The following RNF19B variants were observed in gnomAD, a reference collection of about 807,000 sequenced individuals.
RNF19B encodes E3 ubiquitin-protein ligase RNF19B.
A neutral mutation model predicts 65.5 loss-of-function variants in RNF19B; 23 were observed. The observed-to-expected ratio is 0.35, with a 90% CI of 0.25 to 0.50. The LOEUF (loss-of-function observed/expected upper bound fraction) is 0.50. Ranked by LOEUF, RNF19B falls within the 20% of genes least tolerant of loss-of-function variation. The pLI, the probability that RNF19B is intolerant of heterozygous loss-of-function variation, is 0.98. For missense variants in RNF19B, 794 were observed against 980.0 expected, an observed-to-expected ratio of 0.81 and a Z score of 2.53; for synonymous variants, 372 against 379.6, an observed-to-expected ratio of 0.98 and a Z score of 0.23.
chr1:32,946,285 C>T (rs1570096102), intron 4 of RNF19B, 117 bp downstream of exon 4: 1 of 783,938 alleles, frequency 1.3e-6, no homozygotes, highest in Non-Finnish European at 2.0e-6. Flanking sequence ...TTATTTTTAT[C>T]TAAGAACCAG....
chr1:32,946,429 A>G lies in RNF19B; in HGVS notation c.1119T>C (p.Ile373=). Residue 373 remains isoleucine (I), a synonymous_variant, in exon 4 of 9, where the codon ATT becomes ATC. Coordinates refer to ENST00000235150, the MANE Select transcript of RNF19B (RefSeq NM_001300826.2). The part of the protein sequence containing the change: ...IAGIAIPAMV[I]GIPVYVGRKI... ...TCCTTCCAACATAAACAGGAATGCCAATGACCATGGCAGGAATGGCAATGC... is the reference window on the plus strand; with the variant it reads ...TCCTTCCAACATAAACAGGAATGCCGATGACCATGGCAGGAATGGCAATGC... 6.2e-7 allele frequency: 1 copy of G among 1,614,126 alleles called. No homozygotes were observed.
intron 7 of RNF19B, 147 bp from the exon 8 acceptor site, chr1:32,938,675 G>GC (rs1418506351): frequency 2.6e-6 from 2 of 762,738 alleles, no homozygotes; most frequent in Non-Finnish European, 4.3e-6. Context: ...GCAAATAGAT[G>GC]CCCATACATT....
chr1:32,942,519 A>G lies in RNF19B; in HGVS notation c.1403-60T>C, dbSNP rs992146817. The stretch of plus-strand genomic sequence containing the variant: ...CAGAGCATCAAAACAGTCAGTAGGC[A>G]TTTTCCTGCAATGACTTTTCAGAGA... On this transcript the variant is annotated intron_variant, in intron 6 of 8. Coordinates refer to ENST00000235150, the MANE Select transcript of RNF19B (RefSeq NM_001300826.2). The G allele has an allele frequency of 7.0e-6, 10 of 1,435,900 alleles. No individual in the cohort carries two copies. In the African/African-American group the frequency reaches 1.1e-4, roughly 16 times the overall value. 88.9% of individuals were successfully genotyped at this position (1,435,900 alleles called of 1,614,324 possible). A position where few individuals can be genotyped will look rare whatever the true frequency, so the allele number is the denominator to read the frequency against.
rs189462145 is a variant in RNF19B, at chr1:32,962,000, T to C, written c.635+2051A>G. On this transcript the variant is annotated intron_variant, in intron 1 of 8. Transcript: ENST00000235150. Reference sequence around the variant, plus strand: ...GTTTTTTTTTTTTCTTGAGACAGAATCTCGCTCTGTCACCCAGGCTGGAGT... The same window carrying C: ...GTTTTTTTTTTTTCTTGAGACAGAACCTCGCTCTGTCACCCAGGCTGGAGT... 3.7e-3 allele frequency among the ~76,000 whole-genome samples: 565 copies of C among 151,872 alleles called. 2 individuals are homozygous for C. The highest frequency in any genetic ancestry group is 6.1e-3 in the Non-Finnish European group (413 of 67,912).
chr1:32,954,371 T>G (rs944912526), intron 1 of RNF19B, among the ~76,000 whole-genome samples: 2 of 151,928 alleles, frequency 1.3e-5, no homozygotes, highest in Non-Finnish European at 2.9e-5. Flanking sequence ...GGCACGAGAT[T>G]TGGCATTCCT....
chr1:32,936,883 T>C lies in RNF19B; in HGVS notation c.2119A>G (p.Ser707Gly), dbSNP rs756497357. ...AGGGCAGAGAGGTTCATATGGGCAC[T>C]TGGGCTCGGTGCACCTTGGGCTCTG... The part of the protein sequence containing the change: ...TPRAQGAPSP[S>G]AHMNLSALAE... Residue 707 changes from serine (S) to glycine (G), a missense_variant, in exon 9 of 9, where the codon AGT becomes GGT. Transcript: ENST00000235150. 6 of 1,613,408 alleles carry C rather than the reference T, an allele frequency of 3.7e-6. No individual in the cohort carries two copies. The South Asian group carries it at 6.6e-5, about 18-fold the overall frequency.
chr1:32,943,981 T>A (rs200983386), intron 6 of RNF19B, 38 bp downstream of exon 6: 89 of 1,577,218 alleles, frequency 5.6e-5, no homozygotes, highest in Non-Finnish European at 7.4e-5. Context: ...ATCTTGTATA[T>A]CATAAATTCA....
chr1:32,964,497 CGGCTGCGCAGCCGGG>C lies in RNF19B; in HGVS notation c.174_188del (p.Ala60_Pro64del). 1 of 944,598 alleles carries C rather than the reference CGGCTGCGCAGCCGGG, an allele frequency of 1.1e-6. No homozygotes were observed. Among genetic ancestry groups the C allele is most frequent in the Non-Finnish European group, 1.3e-6 (1 of 798,786 alleles). The allele number at this position is 944,598 out of a possible 1,614,324, so 58.5% of individuals were successfully genotyped here. A position where few individuals can be genotyped will look rare whatever the true frequency, so the allele number is the denominator to read the frequency against. On this transcript the variant is annotated inframe_deletion, in exon 1 of 9. Coordinates refer to ENST00000235150, the MANE Select transcript of RNF19B (RefSeq NM_001300826.2). The surrounding 1 kb of genome is among the most constrained non-coding windows in gnomAD (Gnocchi z 6.5). ...CCGCGGCAGGGGCCGGGGCGGGCGG[CGGCTGCGCAGCCGGG>C]GGCGGCGGCTCGGCCTGCGGCTTGG... is the stretch of plus-strand genomic sequence containing the variant.
chr1:32,959,157 T>C (rs2124184738), intron 1 of RNF19B, among the ~76,000 whole-genome samples: 1 of 152,278 alleles, frequency 6.6e-6, no homozygotes, highest in East Asian at 1.9e-4. Context: ...TCTAGTTGTC[T>C]GGGAAGGCCA....
intron 3 of RNF19B, among the ~76,000 whole-genome samples, chr1:32,947,890 T>C (rs1397651431): frequency 6.6e-6 from 1 of 152,044 alleles, no homozygotes; most frequent in Non-Finnish European, 1.5e-5. Flanking sequence ...AAGTGGCTCT[T>C]AAAAGATAAG....
Position 32,948,342 on chromosome 1 carries a change from C to T in RNF19B, c.863G>A (p.Arg288Gln), listed in dbSNP as rs1049360946. 14 of 1,613,318 alleles carry T rather than the reference C, an allele frequency of 8.7e-6. No individual in the cohort carries two copies. The highest frequency in any genetic ancestry group is 4.0e-5 in the African/African-American group (3 of 74,858). ...CATCTTGATAATGTATGCACTGCAT[C>T]GTGGGCATGGCTTGATGTCATCTGC... is the stretch of plus-strand genomic sequence containing the variant. ...SGPDDIKPCP[R>Q]CSAYIIKMND... The change falls in exon 3 of 9, where the codon CGA becomes CAA. Residue 288 changes from arginine (R) to glutamine (Q), a missense_variant. Transcript: ENST00000235150.
intron 6 of RNF19B, among the ~76,000 whole-genome samples, chr1:32,942,735 C>T (rs1320113194): frequency 6.6e-6 from 1 of 152,190 alleles, no homozygotes; most frequent in Non-Finnish European, 1.5e-5. Context: ...AACTCTGATT[C>T]CAAGGCCACT....
At chr1:32,950,873 G>A (rs530609334) in intron 1 of RNF19B, among the ~76,000 whole-genome samples, 22 of 138,286 alleles carry the variant, frequency 1.6e-4, no homozygotes, top group African/African-American at 5.2e-4. Flanking sequence ...ATGGAGTCTC[G>A]CTCTGTCGCC....
At chr1:32,942,189 T>C (rs1642250997) in intron 7 of RNF19B, 63 bp downstream of exon 7, 5 of 1,311,608 alleles carry the variant, frequency 3.8e-6, no homozygotes, top group South Asian at 1.3e-5. Context: ...CACAGAGAAA[T>C]GGCTCAATGT....
At chr1:32,946,637 A>G (rs1465637062) in intron 3 of RNF19B, 73 bp from the exon 4 acceptor site, 8 of 1,312,978 alleles carry the variant, frequency 6.1e-6, no homozygotes, top group Non-Finnish European at 8.5e-6. Flanking sequence ...GCTTGATAAC[A>G]GCAACAGCCT....
In RNF19B at chr1:32,945,545, A is replaced by G; in HGVS notation, c.1230T>C (p.Ile410=). 6.2e-7 allele frequency: 1 copy of G among 1,613,636 alleles called. No individual in the cohort carries two copies. The highest frequency in any genetic ancestry group is 8.5e-7 in the Non-Finnish European group (1 of 1,179,558). Residue 410 remains isoleucine (I), a synonymous_variant, in exon 5 of 9, where the codon ATT becomes ATC. Coordinates refer to ENST00000235150, the MANE Select transcript of RNF19B (RefSeq NM_001300826.2). ...TAACTGCAGCAATAACTGGGGATGC[A>G]ATGACCGACAAAGTCACTCCTCCAG... is the stretch of plus-strand genomic sequence containing the variant. The part of the protein sequence containing the change: ...AITGGVTLSV[I]ASPVIAAVSV...
At chr1:32,940,764 T>A (rs999777715) in intron 7 of RNF19B, among the ~76,000 whole-genome samples, 1 of 152,192 alleles carries the variant, frequency 6.6e-6, no homozygotes, top group African/African-American at 2.4e-5. Context: ...TCAGGCAACA[T>A]GTTATGCTCC....
chr1:32,944,200 T>C, intron 5 of RNF19B, 41 bp from the exon 6 acceptor site: 5 of 1,575,084 alleles, frequency 3.2e-6, no homozygotes, highest in Non-Finnish European at 4.3e-6. Flanking sequence ...GCTATTAGGT[T>C]GCAAGTGCCC....
chr1:32,939,197 A>T (rs947663607), intron 7 of RNF19B, among the ~76,000 whole-genome samples: 1 of 151,912 alleles, frequency 6.6e-6, no homozygotes, highest in Admixed American at 6.6e-5. Context: ...ATTTATTATT[A>T]TTTGTTTTTA....
Sources: allele counts gnomAD v4.1 joint callset (sites outside exome capture counted in the v4.1 genomes callset), GRCh38; gene constraint gnomAD v4.1.1; non-coding constraint Gnocchi (gnomAD v3.1); transcripts MANE v1.5; gene names NCBI Gene and HGNC (gene_info 2026-07-23, HGNC 2026-07-21).